SLC8A1: variants seen among roughly 807,000 people sequenced by gnomAD.
SLC8A1 encodes the protein solute carrier family 8 member A1, also known as sodium/calcium exchanger 1.
In SLC8A1, 18 loss-of-function variants were observed where a neutral mutation model predicts 68.3. The ratio of observed to expected loss-of-function variants is 0.26; its 90% CI spans 0.18 to 0.39. SLC8A1 has a LOEUF of 0.39. SLC8A1 is among the 10% of genes least tolerant of loss of function. SLC8A1 has a pLI of 1.00. For missense variants in SLC8A1, 985 were observed against 1,156.7 expected (o/e 0.85, Z 2.15); for synonymous variants, 475 against 415.5 (o/e 1.14, Z -1.74).
intron 2 of SLC8A1, among the ~76,000 whole-genome samples, chr2:40,270,695 G>T (rs2065917065): frequency 6.6e-6 from 1 of 152,210 alleles, no homozygotes; most frequent in Admixed American, 6.5e-5. Flanking sequence ...CACCTTAAAA[G>T]TCCCCTTCGC....
chr2:40,306,455 G>GC (rs1259470792), intron 2 of SLC8A1, among the ~76,000 whole-genome samples: 8 of 147,438 alleles, frequency 5.4e-5, no homozygotes, highest in Non-Finnish European at 1.0e-4. Context: ...ATGGTTGTGG[G>GC]GGGGGGCATA....
chr2:40,170,218 T>C, intron 4 of SLC8A1, 63 bp downstream of exon 7: 1 of 1,417,208 alleles, frequency 7.1e-7, no homozygotes, highest in Non-Finnish European at 1.0e-6. Context: ...ATGACTGTAA[T>C]GTCTCTAACA....
intron 2 of SLC8A1, among the ~76,000 whole-genome samples, chr2:40,358,112 T>C (rs890904729): frequency 6.6e-6 from 1 of 150,728 alleles, no homozygotes; most frequent in African/African-American, 2.4e-5. Flanking sequence ...ATTCCTGTTA[T>C]GAATGGGAAA....
intron 1 of SLC8A1, among the ~76,000 whole-genome samples, chr2:40,460,580 A>C (rs1162433604): frequency 9.1e-6 from 1 of 109,578 alleles, no homozygotes; most frequent in African/African-American, 3.5e-5. Context: ...AGTATTTTTT[A>C]ATTTTTTTTT....
intron 1 of SLC8A1, among the ~76,000 whole-genome samples, chr2:40,450,107 T>C (rs1330973728): frequency 6.6e-6 from 1 of 152,140 alleles, no homozygotes; most frequent in Non-Finnish European, 1.5e-5. Flanking sequence ...GCCCCAAAGA[T>C]GGAGCTAGTT....
At chr2:40,493,834 A>G (rs1212530834) in intron 1 of SLC8A1, among the ~76,000 whole-genome samples, 2 of 151,880 alleles carry the variant, frequency 1.3e-5, no homozygotes, top group East Asian at 1.9e-4. Flanking sequence ...ACAACCAGTC[A>G]GTAGCTATGT....
At chr2:40,428,698 G>A in exon 2 of SLC8A1, 1 of 1,613,804 alleles carries the variant, frequency 6.2e-7, no homozygotes, top group Non-Finnish European at 8.5e-7. Flanking sequence ...AATAGTTACA[G>A]TGGCAGTGGA....
At chr2:40,435,943 T>TC (rs1699325543) in intron 1 of SLC8A1, among the ~76,000 whole-genome samples, 1 of 112,566 alleles carries the variant, frequency 8.9e-6, no homozygotes. Context: ...TGCTCGGCTA[T>TC]TTTTTTTTTT....
At chr2:40,268,079 A>C (rs973069030) in intron 2 of SLC8A1, among the ~76,000 whole-genome samples, 5 of 152,230 alleles carry the variant, frequency 3.3e-5, no homozygotes, top group Non-Finnish European at 7.3e-5. Context: ...TCATGCTGAC[A>C]CAATTCTTTT....
intron 3 of SLC8A1, chr2:40,176,094 C>T (rs2048427109): frequency 1.0e-5 from 3 of 295,636 alleles, no homozygotes; most frequent in Non-Finnish European, 1.4e-5. Flanking sequence ...TGTACTGTAG[C>T]ACTTTATTTT....
chr2:40,369,689 C>T (rs1187339279), intron 2 of SLC8A1, among the ~76,000 whole-genome samples: 1 of 152,056 alleles, frequency 6.6e-6, no homozygotes, highest in Non-Finnish European at 1.5e-5. Context: ...CAGGGAGCAA[C>T]ATTCTGGCAA....
At chr2:40,201,625 G>A (rs956966754) in intron 2 of SLC8A1, among the ~76,000 whole-genome samples, 1 of 151,872 alleles carries the variant, frequency 6.6e-6, no homozygotes, top group Non-Finnish European at 1.5e-5. Context: ...GACTATTCTG[G>A]CTTGAAGAAC....
chr2:40,123,531 T>A (rs1390731678), intron 7 of SLC8A1, among the ~76,000 whole-genome samples: 2 of 152,010 alleles, frequency 1.3e-5, no homozygotes, highest in Non-Finnish European at 2.9e-5. Context: ...GATGAACAAT[T>A]TTTTTTTGAT....
At chr2:40,394,180 G>A (rs1686176489) in intron 2 of SLC8A1, among the ~76,000 whole-genome samples, 1 of 152,074 alleles carries the variant, frequency 6.6e-6, no homozygotes, top group African/African-American at 2.4e-5. Flanking sequence ...TAGTCTAAGT[G>A]AGCTTAAGTT....
At chr2:40,457,652 C>G (rs201335060) in intron 1 of SLC8A1, among the ~76,000 whole-genome samples, 1 of 152,174 alleles carries the variant, frequency 6.6e-6, no homozygotes, top group Non-Finnish European at 1.5e-5. Context: ...CTAAAGAATC[C>G]TTAGTAATCA....
chr2:40,387,543 T>C (rs1683951593), intron 2 of SLC8A1, among the ~76,000 whole-genome samples: 1 of 151,562 alleles, frequency 6.6e-6, no homozygotes, highest in East Asian at 1.9e-4. Flanking sequence ...CACTGTTATT[T>C]ATCTGAAGAA....
intron 2 of SLC8A1, among the ~76,000 whole-genome samples, chr2:40,389,293 C>T (rs1315876256): frequency 6.6e-6 from 1 of 151,976 alleles, no homozygotes; most frequent in East Asian, 1.9e-4. Context: ...AATCCCCAGT[C>T]TCACGGTAAG....
At chr2:40,259,276 T>G (rs1290647353) in intron 2 of SLC8A1, among the ~76,000 whole-genome samples, 1 of 152,214 alleles carries the variant, frequency 6.6e-6, no homozygotes, top group Admixed American at 6.5e-5. Flanking sequence ...TTACAAATAC[T>G]TGGCTGCTGA....
intron 2 of SLC8A1, among the ~76,000 whole-genome samples, chr2:40,321,784 G>T (rs2075224435): frequency 6.6e-6 from 1 of 151,980 alleles, no homozygotes; most frequent in Non-Finnish European, 1.5e-5. Flanking sequence ...GACACGTGGG[G>T]ACTATGGGAA....
Sources: gnomAD v4.1 joint callset for allele counts (sites outside exome capture counted in the v4.1 genomes callset) on GRCh38, gnomAD v4.1.1 for gene constraint, MANE v1.5 for transcripts, NCBI Gene and HGNC (gene_info 2026-07-23, HGNC 2026-07-21) for gene names.